DOCK10: variants seen among roughly 807,000 people sequenced by gnomAD.
The protein encoded by DOCK10 is dedicator of cytokinesis 10.
A neutral mutation model predicts 280.1 loss-of-function variants in DOCK10; 145 were observed. That is an observed-to-expected ratio of 0.52 (90% CI 0.45 to 0.59). DOCK10 has a LOEUF of 0.59. DOCK10 is among the 20% of genes least tolerant of loss of function. DOCK10 has a pLI of 0.00. For synonymous variants in DOCK10, 915 were observed against 942.2 expected (o/e 0.97, Z 0.53); for missense variants, 2,368 against 2,651.7 (o/e 0.89, Z 2.35).
chr2:224,844,344 G>A (rs1696184187), intron 22 of DOCK10, among the ~76,000 whole-genome samples: 1 of 152,112 alleles, frequency 6.6e-6, no homozygotes. Flanking sequence ...TGGTCAGGCT[G>A]GTCTTGAACC....
chr2:225,002,655 A>ATGGGCAGGCAGGTG (rs1706469933), intron 1 of DOCK10, among the ~76,000 whole-genome samples: 1 of 152,210 alleles, frequency 6.6e-6, no homozygotes, highest in Admixed American at 6.5e-5. Flanking sequence ...AGCTAGTTGC[A>ATGGGCAGGCAGGTG]TGGGCAGGCA....
At chr2:224,873,503 C>T (rs1166893739) in intron 11 of DOCK10, among the ~76,000 whole-genome samples, 1 of 151,052 alleles carries the variant, frequency 6.6e-6, no homozygotes, top group Non-Finnish European at 1.5e-5. Context: ...ATCGCTTGAG[C>T]CCTGGAAGCT....
At chr2:224,951,756 G>T (rs1033952478) in intron 1 of DOCK10, among the ~76,000 whole-genome samples, 1 of 152,186 alleles carries the variant, frequency 6.6e-6, no homozygotes, top group African/African-American at 2.4e-5. Context: ...TGTCAACAGG[G>T]TGGTATCTCT....
At chr2:224,801,160 C>T (rs1425109295) in intron 40 of DOCK10, among the ~76,000 whole-genome samples, 1 of 151,302 alleles carries the variant, frequency 6.6e-6, no homozygotes, top group African/African-American at 2.4e-5. Flanking sequence ...AAAAAGGTGC[C>T]AGACTCTCAG....
intron 7 of DOCK10, among the ~76,000 whole-genome samples, chr2:224,882,241 A>G (rs1409723130): frequency 6.6e-6 from 1 of 152,238 alleles, no homozygotes. Context: ...CATGAACTGA[A>G]GGAACAAGAT....
intron 4 of DOCK10, among the ~76,000 whole-genome samples, chr2:224,895,482 T>C (rs1699926169): frequency 6.6e-6 from 1 of 152,180 alleles, no homozygotes. Context: ...TATGAGCAAC[T>C]CCAAACCCAT....
intron 1 of DOCK10, among the ~76,000 whole-genome samples, chr2:224,977,609 CCA>C (rs1705511889): frequency 6.6e-6 from 1 of 151,976 alleles, no homozygotes; most frequent in Non-Finnish European, 1.5e-5. Context: ...GTTAATTCTC[CCA>C]CCAAAAAGTT....
rs1403324140 is a variant in DOCK10, at chr2:224,837,399, AAC to A, written c.2850+361_2850+362del. Among the ~76,000 whole-genome samples, 10 of 152,376 alleles carry A rather than the reference AAC, an allele frequency of 6.6e-5. No homozygotes were observed. In the East Asian group the frequency reaches 1.9e-3, roughly 29 times the overall value. ...AGAGCTAAGAAAGCATTACAGAGGA[AAC>A]ACAGAGCATTCAACAAACCAACAGG... On this transcript the variant is annotated intron_variant, in intron 25 of 55. Transcript: ENST00000258390.
intron 1 of DOCK10, among the ~76,000 whole-genome samples, chr2:224,956,739 T>C (rs1704066924): frequency 6.6e-6 from 1 of 152,138 alleles, no homozygotes; most frequent in Non-Finnish European, 1.5e-5. Flanking sequence ...AATAGTTTTC[T>C]TAGGCAGAAA....
At chr2:224,917,524 C>T (rs1487905385) in intron 2 of DOCK10, among the ~76,000 whole-genome samples, 1 of 151,704 alleles carries the variant, frequency 6.6e-6, no homozygotes, top group Non-Finnish European at 1.5e-5. Flanking sequence ...TGCGTGTGTG[C>T]GTGTGCCTGT....
At chr2:224,886,340 C>T (rs1287077325) in intron 5 of DOCK10, 119 bp downstream of exon 5, 1 of 1,450,480 alleles carries the variant, frequency 6.9e-7, no homozygotes, top group African/African-American at 1.4e-5. Flanking sequence ...GACTAAAAGC[C>T]CTACCACCAA....
chr2:224,844,052 C>T (rs1438687211), intron 22 of DOCK10, among the ~76,000 whole-genome samples: 1 of 152,192 alleles, frequency 6.6e-6, no homozygotes, highest in Non-Finnish European at 1.5e-5. Context: ...ACCTCATGGC[C>T]TTCCAATTAG....
In DOCK10 at chr2:224,796,378, A is replaced by C; in HGVS notation, c.4876T>G (p.Ser1626Ala). 6.4e-7 allele frequency: 1 copy of C among 1,574,180 alleles called. No individual in the cohort carries two copies. Among genetic ancestry groups the C allele is most frequent in the Non-Finnish European group, 8.6e-7 (1 of 1,158,526 alleles). ...QLIADAGIGG[S>A]RFQHSLAITN... The stretch of plus-strand genomic sequence containing the variant: ...ATTGCAAGCGAATGTTGAAACCGAG[A>C]GCCTCCAATCCCAGCATCGGCTATT... The change falls in exon 44 of 56, where the codon TCT (serine) becomes GCT (alanine). Residue 1626 changes from serine to alanine, a missense_variant. Ser to Ala is a moderately conservative substitution (Grantham distance 99). Transcript: ENST00000258390.
At position 224,976,736 on chromosome 2, in the gene DOCK10, C is replaced by T. The variant is rs186050249; in HGVS notation, c.124-45068G>A. Among the ~76,000 whole-genome samples the T allele has an allele frequency of 4.4e-3, 654 of 149,906 alleles. 8 individuals carry two copies. Among genetic ancestry groups the T allele is most frequent in the African/African-American group, 0.015 (628 of 40,726 alleles). On this transcript the variant is annotated intron_variant, in intron 1 of 55. Transcript: ENST00000258390. ...GGTTGAGGCCACGTCATTCACCAGA[C>T]AGGGGTCAGTAAGCATTTTCTGTAA...
intron 1 of DOCK10, among the ~76,000 whole-genome samples, chr2:224,991,148 A>G (rs1575152865): frequency 6.6e-6 from 1 of 152,210 alleles, no homozygotes; most frequent in South Asian, 2.1e-4. Flanking sequence ...TGGTGGGTCC[A>G]GCTATAAAGC....
At chr2:225,023,113 G>A (rs1463935048) in intron 1 of DOCK10, among the ~76,000 whole-genome samples, 2 of 151,680 alleles carry the variant, frequency 1.3e-5, no homozygotes, top group African/African-American at 2.4e-5. Flanking sequence ...TTGGCTCACC[G>A]CAACCTCTGC....
chr2:224,798,597 G>A (rs1248933646), intron 41 of DOCK10, among the ~76,000 whole-genome samples: 1 of 151,128 alleles, frequency 6.6e-6, no homozygotes, highest in East Asian at 1.9e-4. Context: ...GTTCTGTGTA[G>A]ACTTTATTCA....
chr2:224,779,517 G>T (rs1223209032), intron 50 of DOCK10, among the ~76,000 whole-genome samples: 1 of 152,016 alleles, frequency 6.6e-6, no homozygotes, highest in African/African-American at 2.4e-5. Context: ...TCTTCTAATT[G>T]TAGAGTTGAC....
intron 1 of DOCK10, among the ~76,000 whole-genome samples, chr2:225,019,066 G>A (rs1689713176): frequency 7.1e-6 from 1 of 140,526 alleles, no homozygotes; most frequent in South Asian, 2.3e-4. Context: ...CTTTTTGAAT[G>A]GCTGAACATT....
Sources: allele counts gnomAD v4.1 joint callset (sites outside exome capture counted in the v4.1 genomes callset), GRCh38; gene constraint gnomAD v4.1.1; transcripts MANE v1.5; gene names NCBI Gene and HGNC (gene_info 2026-07-23, HGNC 2026-07-21).